ANOS1: variants seen among roughly 807,000 people sequenced by gnomAD.
The protein encoded by ANOS1 is anosmin-1.
Under a neutral mutation model 59.0 loss-of-function variants are expected in ANOS1, and 6 were observed. The observed-to-expected ratio is 0.10, with a 90% confidence interval of 0.06 to 0.20. The LOEUF is 0.20. ANOS1 is among the 10% of genes least tolerant of loss of function. The pLI is 1.00. For synonymous variants in ANOS1, 217 were observed against 223.4 expected (o/e 0.97, Z 0.25); for missense variants, 433 against 542.3 (o/e 0.80, Z 2.00).
At chrX:8,631,686 A>G (rs1244704716) in intron 2 of ANOS1, among the ~76,000 whole-genome samples, 1 of 111,993 alleles carries the variant, frequency 8.9e-6, no homozygotes, top group East Asian at 2.8e-4. Flanking sequence ...AAGATGTAGA[A>G]GAAGTAGGAA....
chrX:8,645,008 G>GGCC (rs1931728728), intron 2 of ANOS1, among the ~76,000 whole-genome samples: 1 of 112,496 alleles, frequency 8.9e-6, no homozygotes, highest in South Asian at 3.7e-4. Flanking sequence ...CCCTATCATA[G>GGCC]GCCACGGTCC....
At chrX:8,699,563 T>C (rs1318822899) in intron 2 of ANOS1, 135 bp downstream of exon 2, 2 of 421,383 alleles carry the variant, frequency 4.7e-6, no homozygotes, top group East Asian at 1.0e-4. Context: ...TGTTTACAAT[T>C]ACTTAAAGTG....
intron 9 of ANOS1, 121 bp downstream of exon 9, chrX:8,553,831 T>A: frequency 1.7e-6 from 1 of 595,742 alleles, no homozygotes; most frequent in African/African-American, 2.2e-5. Flanking sequence ...TTCAGACTTG[T>A]GTTCAACAAC....
intron 1 of ANOS1, among the ~76,000 whole-genome samples, chrX:8,715,979 G>A (rs972751826): frequency 9.0e-6 from 1 of 110,948 alleles, no homozygotes; most frequent in African/African-American, 3.3e-5. Context: ...AGCCAAGTAA[G>A]AGGCTCTGTT....
chrX:8,678,197 T>C (rs1932365800), intron 2 of ANOS1, among the ~76,000 whole-genome samples: 1 of 112,680 alleles, frequency 8.9e-6, no homozygotes, highest in Admixed American at 9.4e-5. Context: ...GTTTAGTAAC[T>C]ATCACTTTCA....
At chrX:8,721,246 A>G (rs1032784163) in intron 1 of ANOS1, among the ~76,000 whole-genome samples, 93 of 111,655 alleles carry the variant, frequency 8.3e-4, no homozygotes, top group African/African-American at 2.7e-3. Flanking sequence ...TCTCTGGATC[A>G]TAATATAGGT....
chrX:8,716,843 GA>G (rs1005858551), intron 1 of ANOS1, among the ~76,000 whole-genome samples: 2 of 112,156 alleles, frequency 1.8e-5, no homozygotes, highest in African/African-American at 6.5e-5. Flanking sequence ...CCATAGAGTG[GA>G]AGCAAAACAT....
chrX:8,605,329 T>A (rs1930919523), intron 3 of ANOS1, among the ~76,000 whole-genome samples: 1 of 110,185 alleles, frequency 9.1e-6, no homozygotes, highest in African/African-American at 3.3e-5. Context: ...GAAGACAAGG[T>A]AGTGAGACAA....
Position 8,641,192 on chromosome X carries a change from T to A in ANOS1, c.256-17522A>T, listed in dbSNP as rs1003042212. Among the ~76,000 whole-genome samples, 3 of 112,129 alleles carry A rather than the reference T, an allele frequency of 2.7e-5. No individual in the cohort carries two copies. In the Admixed American group the frequency reaches 2.9e-4, roughly 11 times the overall value. On this transcript the variant is annotated intron_variant, in intron 2 of 13. Transcript: ENST00000262648. ...TAAAAAATAACATACTTCATGAATC[T>A]GAAGAATCATTGTAAAAATCATCAG... is the stretch of plus-strand genomic sequence containing the variant.
intron 3 of ANOS1, among the ~76,000 whole-genome samples, chrX:8,602,759 T>TGA (rs1930867201): frequency 9.0e-6 from 1 of 110,736 alleles, no homozygotes; most frequent in Non-Finnish European, 1.9e-5. Flanking sequence ...ATTATTATTT[T>TGA]GAGAGAGTCT....
At chrX:8,700,133 C>A (rs1027045814) in intron 1 of ANOS1, among the ~76,000 whole-genome samples, 2 of 112,037 alleles carry the variant, frequency 1.8e-5, no homozygotes, top group Non-Finnish European at 3.8e-5. Context: ...AACCAATTTA[C>A]AGAAATAAGA....
At chrX:8,718,780 A>G (rs1023276919) in intron 1 of ANOS1, among the ~76,000 whole-genome samples, 1 of 111,718 alleles carries the variant, frequency 9.0e-6, no homozygotes, top group African/African-American at 3.3e-5. Flanking sequence ...TTTAGGCACA[A>G]TTACGCCTCT....
At position 8,530,699 on chromosome X, in the gene ANOS1, TA is replaced by T. The variant is rs1929484163; in HGVS notation, c.*2295del. 9.1e-6 allele frequency: 1 copy of T among 110,196 alleles called. No homozygotes were observed. Among genetic ancestry groups the T allele is most frequent in the Non-Finnish European group, 1.9e-5 (1 of 52,742 alleles). 9.1% of individuals were successfully genotyped at this position (110,196 alleles called of 1,213,427 possible). On this transcript the variant is annotated 3_prime_UTR_variant, in exon 14 of 14. Transcript: ENST00000262648. Reference sequence around the variant, plus strand: ...ATTACCCAGACAAAAGAAGCATGATTAAATTTTATAAAATTAAATTTATGTA... The same window carrying T: ...ATTACCCAGACAAAAGAAGCATGATTAATTTTATAAAATTAAATTTATGTA...
intron 2 of ANOS1, among the ~76,000 whole-genome samples, chrX:8,626,504 T>C (rs1931396282): frequency 3.6e-5 from 4 of 111,649 alleles, no homozygotes; most frequent in Admixed American, 1.9e-4. Flanking sequence ...AAAACAAATT[T>C]TTCATCAATA....
chrX:8,634,561 G>T (rs749753668), intron 2 of ANOS1, among the ~76,000 whole-genome samples: 146 of 111,476 alleles, frequency 1.3e-3, no homozygotes, highest in African/African-American at 4.5e-3. Context: ...TTGAGTAGTT[G>T]CAACAGATGA....
At chrX:8,585,160 C>G in intron 6 of ANOS1, 107 bp downstream of exon 6, 1 of 903,232 alleles carries the variant, frequency 1.1e-6, no homozygotes, top group Non-Finnish European at 1.6e-6. Flanking sequence ...AGCAAAGCCA[C>G]CTGTTGACTA....
rs190596309 is a variant in ANOS1, at chrX:8,647,090, T to C, written c.256-23420A>G. ...GCAGAAATGTACTATTCATCTTGTA[T>C]AGGCAGGGTGTCTCAGCCTCCACGC... On this transcript the variant is annotated intron_variant, in intron 2 of 13. Transcript: ENST00000262648. Among the ~76,000 whole-genome samples the C allele has an allele frequency of 3.4e-3, 378 of 110,576 alleles. 1 individual carries two copies. The highest frequency in any genetic ancestry group is 0.012 in the African/African-American group (356 of 30,366).
chrX:8,584,880 T>C (rs1338716873), intron 6 of ANOS1, among the ~76,000 whole-genome samples: 1 of 111,868 alleles, frequency 8.9e-6, no homozygotes, highest in African/African-American at 3.2e-5. Flanking sequence ...CACTTTCAAT[T>C]TAACAATCAT....
chrX:8,694,140 A>ATTTCATTTG (rs1932648147), intron 2 of ANOS1, among the ~76,000 whole-genome samples: 1 of 111,849 alleles, frequency 8.9e-6, no homozygotes, highest in Non-Finnish European at 1.9e-5. Context: ...TCACTTTATC[A>ATTTCATTTG]CTAGGGCCTA....
Sources: gnomAD v4.1 joint callset for allele counts (sites outside exome capture counted in the v4.1 genomes callset) on GRCh38, gnomAD v4.1.1 for gene constraint, MANE v1.5 for transcripts, NCBI Gene and HGNC (gene_info 2026-07-23, HGNC 2026-07-21) for gene names.